The following HIBCH variants were observed in gnomAD, a reference collection of about 807,000 sequenced individuals.
HIBCH encodes the protein 3-hydroxyisobutyryl-CoA hydrolase, mitochondrial.
Under a neutral mutation model 58.2 loss-of-function variants are expected in HIBCH, and 50 were observed. That is an observed-to-expected ratio of 0.86 (90% confidence interval 0.68 to 1.09). HIBCH has a LOEUF of 1.09. HIBCH is among the 50% of genes least tolerant of loss of function. HIBCH has a pLI of 0.00. For missense variants in HIBCH, 450 were observed against 449.7 expected (o/e 1.00, Z -0.01); for synonymous variants, 151 against 146.9 (o/e 1.03, Z -0.20).
chr2:190,200,053 C>A, downstream of HIBCH: 1 of 1,614,098 alleles, frequency 6.2e-7, no homozygotes, highest in South Asian at 1.1e-5. Context: ...TGCACACCGC[C>A]TGTCTCAGGA....
rs919786953 is a variant in HIBCH, at chr2:190,306,145, G to T, written c.78+4609C>A. Among the ~76,000 whole-genome samples, 1 of 151,872 alleles carries T rather than the reference G, an allele frequency of 6.6e-6. No homozygotes were observed. Among genetic ancestry groups the T allele is most frequent in the Non-Finnish European group, 1.5e-5 (1 of 67,980 alleles). ...CAAAACACACACACAGACAACCACCGAAAGTATAATATAGAACTTAGTCAA... is the reference window on the plus strand; with the variant it reads ...CAAAACACACACACAGACAACCACCTAAAGTATAATATAGAACTTAGTCAA... On this transcript the variant is annotated intron_variant, in intron 2 of 13. Transcript: ENST00000359678. The surrounding 1 kb of genome is among the most constrained non-coding windows in gnomAD (Gnocchi z 4.6).
intron 2 of HIBCH, among the ~76,000 whole-genome samples, chr2:190,302,507 T>C (rs555693415): frequency 6.6e-6 from 1 of 152,272 alleles, no homozygotes; most frequent in South Asian, 2.1e-4. Flanking sequence ...AGTGGTCTTT[T>C]ATTAGGAAGG....
intron 11 of HIBCH, among the ~76,000 whole-genome samples, chr2:190,235,231 T>C (rs145836719): frequency 0.028 from 4,189 of 152,272 alleles, 97 homozygotes; most frequent in East Asian, 0.13. Context: ...AGCTGCTTAA[T>C]TAATCACAGG....
rs1405820346 is a variant in HIBCH at position 190,246,221 on chromosome 2, A to G, written c.751-9T>C. ...TCTCGATCAATCTTAGACTGTTTGA[A>G]AAGAAAAATCTTTTAATAAATTTGA... On this transcript the variant is annotated splice_polypyrimidine_tract_variant and intron_variant, in intron 9 of 13. Transcript: ENST00000359678. 1 of 1,541,616 alleles carries G rather than the reference A, an allele frequency of 6.5e-7. No homozygotes were observed. The highest frequency in any genetic ancestry group is 1.7e-5 in the Admixed American group (1 of 58,218).
intron 6 of HIBCH, among the ~76,000 whole-genome samples, chr2:190,263,111 C>T (rs1559041134): frequency 6.6e-6 from 1 of 151,990 alleles, no homozygotes; most frequent in East Asian, 1.9e-4. Context: ...TTTGATTTTA[C>T]ATTTTATTTA....
chr2:190,233,350 C>T (rs974556979), intron 11 of HIBCH, among the ~76,000 whole-genome samples: 7 of 152,102 alleles, frequency 4.6e-5, no homozygotes, highest in African/African-American at 7.2e-5. Context: ...TAAATTCCCA[C>T]GTGTTGTGAG....
Position 190,244,961 on chromosome 2 carries a change from A to G in HIBCH, c.817T>C (p.Ser273Pro). 6.3e-7 allele frequency: 1 copy of G among 1,592,790 alleles called. No homozygotes were observed. Among genetic ancestry groups the G allele is most frequent in the Non-Finnish European group, 8.6e-7 (1 of 1,160,570 alleles). Residue 273 changes from serine (S) to proline (P), a missense_variant, in exon 11 of 14, where the codon TCA becomes CCA. Ser to Pro is a moderately conservative substitution (Grantham distance 74, BLOSUM62 -1). Coordinates refer to ENST00000359678, the MANE Select transcript of HIBCH (RefSeq NM_014362.4). ...ATAATTTCTTCCACAGTATTGGCTG[A>G]AAAACAACTATAAAAAAAGGAAATG... ...EHMDKINSCF[S>P]ANTVEEIIEN...
intron 8 of HIBCH, among the ~76,000 whole-genome samples, chr2:190,251,823 G>A (rs1201950982): frequency 6.6e-6 from 1 of 151,950 alleles, no homozygotes; most frequent in African/African-American, 2.4e-5. Context: ...AAAATAAAAG[G>A]CTATCTTTTT....
rs910897775 is a variant in HIBCH at position 190,236,152 on chromosome 2, C to G, written c.891+8735G>C. ...TGCACACACCTTCATGGAGTAACTG[C>G]CATTTTAAGGTATTTTACAATATTG... On this transcript the variant is annotated intron_variant, in intron 11 of 13. Coordinates refer to ENST00000359678, the MANE Select transcript of HIBCH (RefSeq NM_014362.4). The surrounding 1 kb of genome is among the most constrained non-coding windows in gnomAD (Gnocchi z 4.1). Among the ~76,000 whole-genome samples the G allele has an allele frequency of 2.6e-5, 4 of 152,042 alleles. No homozygotes were observed. Among genetic ancestry groups the G allele is most frequent in the Non-Finnish European group, 5.9e-5 (4 of 68,016 alleles).
chr2:190,232,634 T>C (rs990030039), intron 11 of HIBCH, among the ~76,000 whole-genome samples: 2 of 152,234 alleles, frequency 1.3e-5, no homozygotes, highest in Admixed American at 6.5e-5. Flanking sequence ...GAAGCAATTG[T>C]AGTTTTTGCC....
downstream of HIBCH, chr2:190,202,041 A>G (rs1690260154): frequency 6.0e-6 from 1 of 166,984 alleles, no homozygotes; most frequent in African/African-American, 2.4e-5. Flanking sequence ...TGCCCCACTA[A>G]ACTTTTCAGT....
intron 1 of HIBCH, among the ~76,000 whole-genome samples, chr2:190,312,913 A>G (rs1688596317): frequency 1.3e-5 from 2 of 152,340 alleles, no homozygotes; most frequent in Admixed American, 1.3e-4. Context: ...AGCCTGGCCA[A>G]CAAGGCGAAA....
intron 11 of HIBCH, among the ~76,000 whole-genome samples, chr2:190,224,061 C>T (rs1025037675): frequency 1.3e-5 from 2 of 152,226 alleles, no homozygotes; most frequent in Admixed American, 6.5e-5. Flanking sequence ...CACCCTAACA[C>T]TGCACTTTTC....
chr2:190,259,199 CT>C (rs1170518025), intron 7 of HIBCH, among the ~76,000 whole-genome samples: 1 of 152,132 alleles, frequency 6.6e-6, no homozygotes, highest in African/African-American at 2.4e-5. Flanking sequence ...CTGTAGATCA[CT>C]TTGGGTAGTA....
chr2:190,256,062 C>T (rs899773399), intron 7 of HIBCH, among the ~76,000 whole-genome samples: 3 of 151,896 alleles, frequency 2.0e-5, no homozygotes, highest in Non-Finnish European at 4.4e-5. Flanking sequence ...GGGGAAGAGC[C>T]CCTTATAAAA....
chr2:190,229,098 G>C (rs542414323), intron 11 of HIBCH, among the ~76,000 whole-genome samples: 1 of 152,206 alleles, frequency 6.6e-6, no homozygotes, highest in South Asian at 2.1e-4. Flanking sequence ...CCTACTGTAT[G>C]GGGTATGCAA....
At chr2:190,205,434 G>A (rs1690367689) in intron 13 of HIBCH, among the ~76,000 whole-genome samples, 1 of 152,086 alleles carries the variant, frequency 6.6e-6, no homozygotes, top group Admixed American at 6.6e-5. Flanking sequence ...TGACTGGGGT[G>A]GATATTTTCT....
chr2:190,274,153 TTTA>T (rs1388557349), intron 6 of HIBCH, among the ~76,000 whole-genome samples: 1 of 152,204 alleles, frequency 6.6e-6, no homozygotes, highest in African/African-American at 2.4e-5. Flanking sequence ...AACCCGGCAC[TTTA>T]TTATTTAATT....
chr2:190,308,849 G>T (rs1414419322), intron 2 of HIBCH, among the ~76,000 whole-genome samples: 1 of 152,164 alleles, frequency 6.6e-6, no homozygotes, highest in Non-Finnish European at 1.5e-5. Context: ...TAGTTACGTA[G>T]TGCCCACTCT....
Sources: gnomAD v4.1 joint callset for allele counts (sites outside exome capture counted in the v4.1 genomes callset) on GRCh38, gnomAD v4.1.1 for gene constraint, Gnocchi (gnomAD v3.1) non-coding constraint, MANE v1.5 for transcripts, NCBI Gene and HGNC (gene_info 2026-07-23, HGNC 2026-07-21) for gene names.